Variants in DGKB observed in about 807,000 individuals in gnomAD.
DGKB encodes 90 kDa diacylglycerol kinase.
In DGKB, 67 loss-of-function variants were observed where a neutral mutation model predicts 114.3. That is an observed-to-expected ratio of 0.59 (90% CI 0.48 to 0.72). DGKB has a LOEUF of 0.72. DGKB is among the 30% of genes least tolerant of loss of function. The probability of loss-of-function intolerance (pLI) is 0.00; values close to 1 mark genes in which losing one functional copy is unlikely to be tolerated. For synonymous variants in DGKB, 398 were observed against 323.1 expected, an observed-to-expected ratio of 1.23 and a Z score of -2.49; for missense variants, 907 against 975.2, an observed-to-expected ratio of 0.93 and a Z score of 0.93.
Position 14,717,807 on chromosome 7 carries a change from A to T in DGKB, c.466+735T>A, listed in dbSNP as rs1585933645. ...TGAGTAAGCTGCCAGGACTATATTT[A>T]GAAAGAACCTCAGAGATAGAATAGA... On this transcript the variant is annotated intron_variant, in intron 6 of 25. Coordinates refer to ENST00000402815, the MANE Select transcript of DGKB (RefSeq NM_001350709.2). 3.3e-5 allele frequency among the ~76,000 whole-genome samples: 5 copies of T among 152,268 alleles called. No individual in the cohort carries two copies. In the East Asian group the frequency reaches 9.7e-4, roughly 29 times the overall value.
chr7:14,496,575 G>C (rs750824137), intron 20 of DGKB, among the ~76,000 whole-genome samples: 2 of 151,666 alleles, frequency 1.3e-5, no homozygotes, highest in Non-Finnish European at 3.0e-5. Context: ...ACTGTGCTAG[G>C]TTCTGAAAAG....
rs764349435 is a variant in DGKB at position 14,718,712 on chromosome 7, T to A, written c.323-27A>T. ...TGGAAAAAAAATTGTCTTTATATTT[T>A]GTTAATTATTTACAGTGATCTCAAA... On this transcript the variant is annotated intron_variant, in intron 5 of 25. Coordinates refer to ENST00000402815, the MANE Select transcript of DGKB (RefSeq NM_001350709.2). 5.1e-6 allele frequency: 8 copies of A among 1,558,450 alleles called. No homozygotes were observed. The African/African-American group carries it at 9.5e-5, about 19-fold the overall frequency.
intron 13 of DGKB, among the ~76,000 whole-genome samples, chr7:14,648,328 TC>T (rs1456888155): frequency 1.3e-5 from 2 of 152,066 alleles, no homozygotes; most frequent in Non-Finnish European, 2.9e-5. Context: ...CTCAAGTGGG[TC>T]CCTGACCCCT....
intron 21 of DGKB, among the ~76,000 whole-genome samples, chr7:14,454,426 TACAA>T (rs903739934): frequency 2.0e-5 from 3 of 152,132 alleles, no homozygotes; most frequent in Non-Finnish European, 4.4e-5. Context: ...CCTATGTTTT[TACAA>T]ACATTCATGT....
intron 1 of DGKB, among the ~76,000 whole-genome samples, 157 bp from the exon 2 acceptor site, chr7:14,841,607 C>A (rs1847944025): frequency 6.6e-6 from 1 of 152,090 alleles, no homozygotes. Flanking sequence ...CATAAATGTA[C>A]ATTTTTATGT....
At chr7:14,518,472 TA>T (rs1404018308) in intron 20 of DGKB, among the ~76,000 whole-genome samples, 14 of 147,026 alleles carry the variant, frequency 9.5e-5, no homozygotes, top group Admixed American at 1.4e-4. Flanking sequence ...ACCTAAAAGT[TA>T]AAAAAAAAAG....
intron 23 of DGKB, among the ~76,000 whole-genome samples, chr7:14,293,727 T>C (rs1207501857): frequency 6.6e-6 from 1 of 152,142 alleles, no homozygotes; most frequent in Admixed American, 6.6e-5. Flanking sequence ...CTATAATCCA[T>C]CCTTCACAGG....
At chr7:14,480,118 A>AAGGGAGAGAGGCAAGAAGACAGG in intron 20 of DGKB, among the ~76,000 whole-genome samples, 1 of 152,074 alleles carries the variant, frequency 6.6e-6, no homozygotes, top group Middle Eastern at 3.4e-3. Context: ...AGAATAGAGA[A>AAGGGAGAGAGGCAAGAAGACAGG]AGGGAGAGAG....
At chr7:14,696,489 G>A (rs1173300773) in intron 8 of DGKB, among the ~76,000 whole-genome samples, 2 of 116,018 alleles carry the variant, frequency 1.7e-5, no homozygotes, top group African/African-American at 6.4e-5. Context: ...GCGACAGAGC[G>A]AGACTCCGTC....
chr7:14,170,145 A>AAAAAAGAAAG (rs1369239302), intron 25 of DGKB, among the ~76,000 whole-genome samples: 2 of 99,982 alleles, frequency 2.0e-5, no homozygotes, highest in African/African-American at 3.7e-5. Context: ...AAAAAAAAAA[A>AAAAAAGAAAG]AAAGAAAGAA....
chr7:14,801,575 A>C (rs1842147395), intron 2 of DGKB, among the ~76,000 whole-genome samples: 1 of 152,082 alleles, frequency 6.6e-6, no homozygotes, highest in African/African-American at 2.4e-5. Flanking sequence ...GTAGGATGGA[A>C]GAATTTGTCC....
chr7:14,705,937 G>C (rs1017167549), intron 6 of DGKB, among the ~76,000 whole-genome samples: 2 of 147,664 alleles, frequency 1.4e-5, no homozygotes, highest in Non-Finnish European at 3.0e-5. Flanking sequence ...CTAACATCAT[G>C]ATGACAGGAT....
At chr7:14,439,629 C>T (rs1447591196) in intron 21 of DGKB, among the ~76,000 whole-genome samples, 5 of 151,828 alleles carry the variant, frequency 3.3e-5, no homozygotes, top group Admixed American at 2.0e-4. Context: ...TTTGGGAGGC[C>T]GAAGTGGATG....
intron 23 of DGKB, among the ~76,000 whole-genome samples, chr7:14,296,520 A>G (rs916081210): frequency 6.6e-6 from 1 of 152,182 alleles, no homozygotes; most frequent in Non-Finnish European, 1.5e-5. Flanking sequence ...GTATATAGCC[A>G]CTAATGGGAT....
intron 21 of DGKB, among the ~76,000 whole-genome samples, chr7:14,447,860 C>G (rs1830943155): frequency 6.6e-6 from 1 of 152,040 alleles, no homozygotes; most frequent in Admixed American, 6.6e-5. Context: ...CTAATTTCCG[C>G]AGTTCACTGG....
At chr7:14,449,007 C>T (rs568223667) in intron 21 of DGKB, among the ~76,000 whole-genome samples, 1 of 152,082 alleles carries the variant, frequency 6.6e-6, no homozygotes, top group African/African-American at 2.4e-5. Flanking sequence ...CGGATGGGTG[C>T]AATAGATACA....
At position 14,324,159 on chromosome 7, in the gene DGKB, G is replaced by C. The variant is rs1411879123; in HGVS notation, c.2122+14356C>G. ...ATACGCAAATTTTATATATGCATAT[G>C]AAAGTTTTGGCGGGCACAGTGGCTC... is the stretch of plus-strand genomic sequence containing the variant. On this transcript the variant is annotated intron_variant, in intron 23 of 25. Coordinates refer to ENST00000402815, the MANE Select transcript of DGKB (RefSeq NM_001350709.2). 2.0e-5 allele frequency among the ~76,000 whole-genome samples: 3 copies of C among 152,076 alleles called. No individual in the cohort carries two copies. In the East Asian group the frequency reaches 5.8e-4, roughly 29 times the overall value.
At chr7:14,510,952 T>G (rs1248977483) in intron 20 of DGKB, among the ~76,000 whole-genome samples, 2 of 152,202 alleles carry the variant, frequency 1.3e-5, no homozygotes, top group Non-Finnish European at 2.9e-5. Context: ...AACAGTAGGA[T>G]GAAAATATTC....
At position 14,267,185 on chromosome 7, in the gene DGKB, G is replaced by T. The variant is rs369593253; in HGVS notation, c.2122+71330C>A. On this transcript the variant is annotated intron_variant, in intron 23 of 25. Transcript: ENST00000402815. ...CAAAAGAAAAAAACAGAAGACAAAT[G>T]CCAATTTCTGGGCCAGATCTTAGGA... Among the ~76,000 whole-genome samples, 3 of 152,176 alleles carry T rather than the reference G, an allele frequency of 2.0e-5. No homozygotes were observed. The East Asian group carries it at 5.8e-4, about 29-fold the overall frequency.
Sources: gnomAD v4.1 joint callset for allele counts (sites outside exome capture counted in the v4.1 genomes callset) on GRCh38, gnomAD v4.1.1 for gene constraint, MANE v1.5 for transcripts, NCBI Gene and HGNC (gene_info 2026-07-23, HGNC 2026-07-21) for gene names.